The following VPS53 variants were observed in gnomAD, a reference collection of about 807,000 sequenced individuals.
The protein encoded by VPS53 is VPS53 subunit of GARP complex.
A neutral mutation model predicts 107.0 loss-of-function variants in VPS53; 70 were observed. The observed-to-expected ratio is 0.65, with a 90% confidence interval of 0.54 to 0.80. VPS53 has a LOEUF of 0.80. Ranked by LOEUF, VPS53 falls within the 30% of genes least tolerant of loss-of-function variation. The probability of loss-of-function intolerance (pLI) is 0.00; values close to 1 mark genes in which losing one functional copy is unlikely to be tolerated. For missense variants in VPS53, 917 were observed against 1,049.4 expected (o/e 0.87, Z 1.74); for synonymous variants, 409 against 393.3 (o/e 1.04, Z -0.47).
Position 628,100 on chromosome 17 carries a change from T to C in VPS53, c.819A>G (p.Gln273=), listed in dbSNP as rs747851345. ...QHLSEYLVLF[Q]ENQDVAWLDK... ...GGTCAATACTCACATCTTGGTTTTC[T>C]TGAAAAAGTACCAGATACTCTGACA... The change falls in exon 9 of 22, where the codon CAA becomes CAG. Residue 273 remains glutamine (Q), a synonymous_variant. Transcript: ENST00000437048. The C allele has an allele frequency of 1.2e-6, 2 of 1,611,124 alleles. No homozygotes were observed. The highest frequency in any genetic ancestry group is 1.7e-6 in the Non-Finnish European group (2 of 1,179,154).
chr17:659,685 T>A (rs1971367893), intron 5 of VPS53, among the ~76,000 whole-genome samples: 1 of 151,966 alleles, frequency 6.6e-6, no homozygotes, highest in African/African-American at 2.4e-5. Flanking sequence ...ATCTCAAGAC[T>A]CTATCCCTTC....
chr17:630,805 C>T (rs1241114717), intron 8 of VPS53, among the ~76,000 whole-genome samples: 1 of 152,066 alleles, frequency 6.6e-6, no homozygotes, highest in Non-Finnish European at 1.5e-5. Context: ...GCTCCTTGCC[C>T]CTAAGTGCTT....
intron 12 of VPS53, among the ~76,000 whole-genome samples, chr17:597,962 C>CTCTCCCTCTCCCAACGG (rs1968061466): frequency 7.1e-6 from 1 of 141,308 alleles, no homozygotes; most frequent in Non-Finnish European, 1.6e-5. Flanking sequence ...CTCCCTCTCC[C>CTCTCCCTCTCCCAACGG]TCTCCCTCTC....
chr17:659,319 TGTC>T (rs1971350602), intron 5 of VPS53, among the ~76,000 whole-genome samples: 1 of 152,214 alleles, frequency 6.6e-6, no homozygotes, highest in Non-Finnish European at 1.5e-5. Flanking sequence ...AGTTTCGCTC[TGTC>T]GCCCAGGCTG....
Position 524,196 on chromosome 17 carries a change from GGCT to G in VPS53, c.2086-2461_2086-2459del, listed in dbSNP as rs1302752568. Reference sequence around the variant, plus strand: ...TGCCTGTAATCCCAGCTACTCGGGAGGCTGAGGCAGGAGAATTGCTTGAACCTG... The same window carrying G: ...TGCCTGTAATCCCAGCTACTCGGGAGGAGGCAGGAGAATTGCTTGAACCTG... On this transcript the variant is annotated intron_variant, in intron 19 of 21. Transcript: ENST00000437048. The surrounding 1 kb of genome is among the most constrained non-coding windows in gnomAD (Gnocchi z 4.5). Among the ~76,000 whole-genome samples, 1 of 152,100 alleles carries G rather than the reference GGCT, an allele frequency of 6.6e-6. No individual in the cohort carries two copies. Among genetic ancestry groups the G allele is most frequent in the Non-Finnish European group, 1.5e-5 (1 of 68,026 alleles).
At chr17:622,954 T>A (rs1969532509) in intron 11 of VPS53, among the ~76,000 whole-genome samples, 2 of 152,054 alleles carry the variant, frequency 1.3e-5, no homozygotes, top group South Asian at 4.1e-4. Flanking sequence ...CCCAAAGTGC[T>A]GGGATTATAC....
intron 4 of VPS53, among the ~76,000 whole-genome samples, chr17:676,902 T>G (rs1972186494): frequency 6.6e-6 from 1 of 151,934 alleles, no homozygotes; most frequent in East Asian, 1.9e-4. Flanking sequence ...TACAAAAGCT[T>G]AAGATTCTTG....
intron 13 of VPS53, among the ~76,000 whole-genome samples, chr17:575,506 G>T (rs574008798): frequency 6.9e-6 from 1 of 143,926 alleles, no homozygotes; most frequent in African/African-American, 2.6e-5. Flanking sequence ...ACCTCAATGC[G>T]TTCCCAGAGA....
chr17:691,666 C>T (rs1172445363), intron 4 of VPS53, among the ~76,000 whole-genome samples: 2 of 152,082 alleles, frequency 1.3e-5, no homozygotes, highest in African/African-American at 4.8e-5. Flanking sequence ...AATCTTGCAC[C>T]ACCCAATTCT....
intron 7 of VPS53, among the ~76,000 whole-genome samples, chr17:652,735 T>G: frequency 6.6e-6 from 1 of 152,254 alleles, no homozygotes; most frequent in East Asian, 1.9e-4. Flanking sequence ...ATTATTGTTT[T>G]AAGCTACTAA....
At chr17:671,350 GAAAGAAAGA>G (rs1171867470) in intron 4 of VPS53, among the ~76,000 whole-genome samples, 13 of 139,272 alleles carry the variant, frequency 9.3e-5, no homozygotes, top group Admixed American at 3.6e-4. Context: ...AAAGAGGAAA[GAAAGAAAGA>G]AAAGAAAGAA....
intron 1 of VPS53, among the ~76,000 whole-genome samples, chr17:713,479 CCG>C (rs2144044608): frequency 6.6e-6 from 1 of 150,494 alleles, no homozygotes; most frequent in East Asian, 2.0e-4. Flanking sequence ...ATGGTGAAAC[CCG>C]GTCTCTACTA....
chr17:669,364 T>C (rs1172312755), intron 4 of VPS53, among the ~76,000 whole-genome samples: 1 of 151,808 alleles, frequency 6.6e-6, no homozygotes, highest in Non-Finnish European at 1.5e-5. Flanking sequence ...AGGCTGACGG[T>C]GGATTACTTG....
chr17:561,581 CA>C (rs1367418162), intron 14 of VPS53, among the ~76,000 whole-genome samples: 1 of 152,128 alleles, frequency 6.6e-6, no homozygotes, highest in African/African-American at 2.4e-5. Flanking sequence ...AAAATATATA[CA>C]AAAAGTTACG....
At chr17:653,110 T>C (rs1971023608) in intron 7 of VPS53, 181 bp downstream of exon 7, 20 of 984,978 alleles carry the variant, frequency 2.0e-5, no homozygotes, top group Non-Finnish European at 1.9e-5. Flanking sequence ...CAGTTTACCT[T>C]TCGGAAAGCT....
intron 7 of VPS53, among the ~76,000 whole-genome samples, chr17:648,359 G>A (rs1169385292): frequency 6.6e-6 from 1 of 152,182 alleles, no homozygotes; most frequent in East Asian, 1.9e-4. Context: ...AGACCAGCCT[G>A]GCCAACATGG....
At chr17:571,025 G>C (rs1423391054) in intron 13 of VPS53, among the ~76,000 whole-genome samples, 1 of 152,056 alleles carries the variant, frequency 6.6e-6, no homozygotes, top group Non-Finnish European at 1.5e-5. Flanking sequence ...AAAGGTTCAG[G>C]AAAAAAGTAC....
At chr17:712,094 G>T (rs1185753176) in intron 1 of VPS53, among the ~76,000 whole-genome samples, 1 of 151,258 alleles carries the variant, frequency 6.6e-6, no homozygotes, top group East Asian at 1.9e-4. Flanking sequence ...GGGATTACAG[G>T]CGTGAGCCTC....
At chr17:650,383 G>T (rs1970893080) in intron 7 of VPS53, among the ~76,000 whole-genome samples, 1 of 152,064 alleles carries the variant, frequency 6.6e-6, no homozygotes, top group Non-Finnish European at 1.5e-5. Flanking sequence ...TGTATTCCTG[G>T]CTACTCAGGA....
Sources: gnomAD v4.1 joint callset for allele counts (sites outside exome capture counted in the v4.1 genomes callset) on GRCh38, gnomAD v4.1.1 for gene constraint, Gnocchi (gnomAD v3.1) non-coding constraint, MANE v1.5 for transcripts, NCBI Gene and HGNC (gene_info 2026-07-23, HGNC 2026-07-21) for gene names.